RAB11FIP2: variants seen among roughly 807,000 people sequenced by gnomAD.
RAB11FIP2 encodes the protein rab11 family-interacting protein 2.
A neutral mutation model predicts 40.9 loss-of-function variants in RAB11FIP2; 16 were observed. The ratio of observed to expected loss-of-function variants is 0.39; its 90% confidence interval spans 0.26 to 0.59. The LOEUF (loss-of-function observed/expected upper bound fraction) is 0.59, where lower values mean the gene tolerates loss of function less well. RAB11FIP2 is among the 20% of genes least tolerant of loss of function. The pLI is 0.53. For missense variants in RAB11FIP2, 532 were observed against 606.2 expected (o/e 0.88, Z 1.28); for synonymous variants, 228 against 213.7 (o/e 1.07, Z -0.58).
At chr10:118,040,061 T>C in intron 2 of RAB11FIP2, 62 bp downstream of exon 2, 3 of 1,455,332 alleles carry the variant, frequency 2.1e-6, no homozygotes, top group South Asian at 1.3e-5. Flanking sequence ...AATTTAGAAA[T>C]TAAACTTTAA....
In RAB11FIP2 at chr10:118,045,850, A is replaced by T; in HGVS notation, c.314T>A (p.Leu105His). 2 of 1,613,370 alleles carry T rather than the reference A, an allele frequency of 1.2e-6. No homozygotes were observed. The highest frequency in any genetic ancestry group is 1.7e-6 in the Non-Finnish European group (2 of 1,179,620). Residue 105 changes from leucine (L) to histidine (H), a missense_variant, in exon 1 of 5, where the codon CTC (leucine) becomes CAC (histidine). Coordinates refer to ENST00000355624, the MANE Select transcript of RAB11FIP2 (RefSeq NM_014904.3). ...TTGTTTGTCCTCAAAGATGTCATTG[A>T]GATTGATTGCCACCTGCCCTAAAAA... ...DKFLGQVAIN[L>H]NDIFEDKQRR...
intron 1 of RAB11FIP2, among the ~76,000 whole-genome samples, chr10:118,044,300 T>C (rs1252815014): frequency 6.6e-6 from 1 of 152,194 alleles, no homozygotes; most frequent in Non-Finnish European, 1.5e-5. Context: ...TAAAGTACTA[T>C]AAATGAAGTG....
At chr10:118,009,836 G>C (rs1015868714) in intron 4 of RAB11FIP2, among the ~76,000 whole-genome samples, 1 of 152,052 alleles carries the variant, frequency 6.6e-6, no homozygotes, top group Admixed American at 6.6e-5. Flanking sequence ...TGAGTAACTG[G>C]TCTATTTCTT....
Position 118,007,377 on chromosome 10 carries a change from A to C in RAB11FIP2, c.*1621T>G, listed in dbSNP as rs1564828525. ...TAAAACTGAAATGCAGAAGATACAA[A>C]TAACAAGGGGTTTTAGTTTACAAAT... On this transcript the variant is annotated 3_prime_UTR_variant, in exon 5 of 5. Coordinates refer to ENST00000355624, the MANE Select transcript of RAB11FIP2 (RefSeq NM_014904.3). 1 of 151,892 alleles carries C rather than the reference A, an allele frequency of 6.6e-6. No individual in the cohort carries two copies. The highest frequency in any genetic ancestry group is 1.5e-5 in the Non-Finnish European group (1 of 67,888). The allele number at this position is 151,892 out of a possible 1,614,324, so 9.4% of individuals were successfully genotyped here.
At chr10:118,025,905 C>G (rs982752742) in intron 3 of RAB11FIP2, among the ~76,000 whole-genome samples, 1 of 152,188 alleles carries the variant, frequency 6.6e-6, no homozygotes, top group Non-Finnish European at 1.5e-5. Flanking sequence ...TCTATCAGCA[C>G]TTACCAACTG....
chr10:118,032,828 T>C (rs1003745877), intron 3 of RAB11FIP2, among the ~76,000 whole-genome samples: 2 of 152,132 alleles, frequency 1.3e-5, no homozygotes, highest in Non-Finnish European at 2.9e-5. Context: ...AGTCCCTTTG[T>C]TCAGTGTACC....
chr10:118,030,801 TG>T (rs1846404298), intron 3 of RAB11FIP2, among the ~76,000 whole-genome samples: 1 of 152,092 alleles, frequency 6.6e-6, no homozygotes, highest in Non-Finnish European at 1.5e-5. Flanking sequence ...AGCACAAGGA[TG>T]GCATCGCTGG....
chr10:118,035,881 C>T (rs1459370421), intron 3 of RAB11FIP2, among the ~76,000 whole-genome samples: 1 of 152,028 alleles, frequency 6.6e-6, no homozygotes, highest in Non-Finnish European at 1.5e-5. Flanking sequence ...TTAGTAACTT[C>T]GGGGAAAAGT....
At chr10:118,024,647 T>A (rs1478928449) in intron 3 of RAB11FIP2, among the ~76,000 whole-genome samples, 1 of 152,140 alleles carries the variant, frequency 6.6e-6, no homozygotes. Context: ...GATCAAGCTT[T>A]TCCTGCAAGG....
rs1412005076 is a variant in RAB11FIP2 at position 118,006,543 on chromosome 10, C to T, written c.*2455G>A. ...ACCTTTTTGGCCTCTTTTTCTACAA[C>T]GTGAGAAATTAAAACTACTTTGCAC... On this transcript the variant is annotated 3_prime_UTR_variant, in exon 5 of 5. Coordinates refer to ENST00000355624, the MANE Select transcript of RAB11FIP2 (RefSeq NM_014904.3). The T allele has an allele frequency of 2.0e-5, 3 of 152,008 alleles. No homozygotes were observed. Among genetic ancestry groups the T allele is most frequent in the Admixed American group, 6.6e-5 (1 of 15,252 alleles). 9.4% of individuals were successfully genotyped at this position (152,008 alleles called of 1,614,324 possible). A position where few individuals can be genotyped will look rare whatever the true frequency, so the allele number is the denominator to read the frequency against.
intron 1 of RAB11FIP2, among the ~76,000 whole-genome samples, chr10:118,044,112 G>A (rs896569431): frequency 2.0e-5 from 3 of 152,162 alleles, no homozygotes; most frequent in African/African-American, 7.2e-5. Context: ...CATAATATTA[G>A]AGTATTGCTC....
At position 118,046,787 on chromosome 10, in the gene RAB11FIP2, G is replaced by C. The variant is rs1589651180; in HGVS notation, c.-624C>G. ...TGGAGTGGGGGAGGGCGGGGAACGC[G>C]GCCGCCCCGGCGCCGGCGGGACGTG... is the stretch of plus-strand genomic sequence containing the variant. On this transcript the variant is annotated 5_prime_UTR_variant, in exon 1 of 5. Transcript: ENST00000355624. 1 of 152,132 alleles carries C rather than the reference G, an allele frequency of 6.6e-6. No individual in the cohort carries two copies. The highest frequency in any genetic ancestry group is 1.5e-5 in the Non-Finnish European group (1 of 68,236). The allele number at this position is 152,132 out of a possible 1,614,324, so 9.4% of individuals were successfully genotyped here. A position where few individuals can be genotyped will look rare whatever the true frequency, so the allele number is the denominator to read the frequency against.
At chr10:118,022,780 C>T (rs1846296304) in intron 3 of RAB11FIP2, among the ~76,000 whole-genome samples, 1 of 152,084 alleles carries the variant, frequency 6.6e-6, no homozygotes, top group South Asian at 2.1e-4. Context: ...TGACACAGTG[C>T]CAGCATGAAA....
intron 1 of RAB11FIP2, among the ~76,000 whole-genome samples, chr10:118,041,727 T>A (rs1268880044): frequency 6.6e-6 from 1 of 152,316 alleles, no homozygotes; most frequent in East Asian, 1.9e-4. Flanking sequence ...ACATTTACTG[T>A]ATATCAAGTT....
At chr10:118,022,783 G>C (rs1315074509) in intron 3 of RAB11FIP2, among the ~76,000 whole-genome samples, 1 of 152,096 alleles carries the variant, frequency 6.6e-6, no homozygotes, top group African/African-American at 2.4e-5. Flanking sequence ...CACAGTGCCA[G>C]CATGAAAAAT....
chr10:118,035,326 G>T (rs1291099808), intron 3 of RAB11FIP2, among the ~76,000 whole-genome samples: 2 of 152,108 alleles, frequency 1.3e-5, no homozygotes, highest in African/African-American at 4.8e-5. Context: ...GTTCTTAATA[G>T]TCTCCAGAAA....
At chr10:118,024,152 A>C (rs1483346432) in intron 3 of RAB11FIP2, among the ~76,000 whole-genome samples, 1 of 151,992 alleles carries the variant, frequency 6.6e-6, no homozygotes, top group Non-Finnish European at 1.5e-5. Context: ...AACAACCCAC[A>C]AATCTCAACA....
rs543993739 is a variant in RAB11FIP2, at chr10:118,039,837, G to T, written c.796+286C>A. ...GAAATGGAACATTCATTTATGCTCA[G>T]GGTTTTGAGATAGCAGAAACAGCAG... On this transcript the variant is annotated intron_variant, in intron 2 of 4. Transcript: ENST00000355624. 2.0e-5 allele frequency: 8 copies of T among 393,450 alleles called. No individual in the cohort carries two copies. The Admixed American group carries it at 2.5e-4, about 12-fold the overall frequency. The allele number at this position is 393,450 out of a possible 1,614,324, so 24.4% of individuals were successfully genotyped here.
chr10:118,014,695 C>T (rs1846195385), intron 4 of RAB11FIP2, among the ~76,000 whole-genome samples: 1 of 152,072 alleles, frequency 6.6e-6, no homozygotes, highest in Admixed American at 6.6e-5. Context: ...TTCTTCAATC[C>T]TTGTCCCAAC....
Sources: gnomAD v4.1 joint callset for allele counts (sites outside exome capture counted in the v4.1 genomes callset) on GRCh38, gnomAD v4.1.1 for gene constraint, MANE v1.5 for transcripts, NCBI Gene and HGNC (gene_info 2026-07-23, HGNC 2026-07-21) for gene names.